Variants in AP2B1 observed in about 807,000 individuals in gnomAD.
AP2B1 encodes adaptor related protein complex 2 subunit beta 1.
AP2B1 carries 23 observed loss-of-function variants against 102.0 expected under a neutral mutation model. The observed-to-expected ratio is 0.23, with a 90% CI of 0.16 to 0.32. AP2B1 has a LOEUF of 0.32. Among genes scored for constraint, AP2B1 ranks in the 10% least tolerant of loss-of-function variants. The pLI is 1.00. For missense variants in AP2B1, 541 were observed against 1,157.4 expected (o/e 0.47, Z 7.73); for synonymous variants, 381 against 421.2 (o/e 0.90, Z 1.17).
intron 13 of AP2B1, chr17:35,651,069 A>G (rs1014538225): frequency 6.2e-6 from 2 of 320,400 alleles, no homozygotes; most frequent in Non-Finnish European, 1.2e-5. Flanking sequence ...TGTGGTGAAG[A>G]CCTTCTAAAT....
At position 35,608,183 on chromosome 17, in the gene AP2B1, C is replaced by T; in HGVS notation, c.321C>T (p.Val107=). 1 of 1,613,912 alleles carries T rather than the reference C, an allele frequency of 6.2e-7. No homozygotes were observed. Among genetic ancestry groups the T allele is most frequent in the African/African-American group, 1.3e-5 (1 of 75,034 alleles). ...DPNPLIRALA[V]RTMGCIRVDK... Reference sequence around the variant, plus strand: ...ATCCTTTGATTCGAGCCTTGGCAGTCAGAACCATGGGGTGCATCCGGGTAG... The same window carrying T: ...ATCCTTTGATTCGAGCCTTGGCAGTTAGAACCATGGGGTGCATCCGGGTAG... Residue 107 remains valine, a synonymous_variant, in exon 5 of 22, where the codon GTC becomes GTT. Coordinates refer to ENST00000610402, the MANE Select transcript of AP2B1 (RefSeq NM_001030006.2).
At chr17:35,705,280 T>C (rs148344906) in intron 18 of AP2B1, among the ~76,000 whole-genome samples, 183 of 152,268 alleles carry the variant, frequency 1.2e-3, no homozygotes, top group African/African-American at 4.1e-3. Context: ...CTTCCCCCAA[T>C]GAATGACCTG....
At chr17:35,618,555 G>C (rs1040192771) in intron 5 of AP2B1, among the ~76,000 whole-genome samples, 4 of 152,168 alleles carry the variant, frequency 2.6e-5, no homozygotes, top group African/African-American at 9.7e-5. Context: ...ACTGGAAAGT[G>C]GTAAGTTTCT....
rs587703244 is a variant in AP2B1 at position 35,710,162 on chromosome 17, A to G, written c.2540-72A>G. ...GAGCCAGCATGCCAAAGGAAAAATGATGCAAGGCATCGAAAATCAGAATAC... is the reference window on the plus strand; with the variant it reads ...GAGCCAGCATGCCAAAGGAAAAATGGTGCAAGGCATCGAAAATCAGAATAC... On this transcript the variant is annotated intron_variant, in intron 19 of 21. Transcript: ENST00000610402. 5.1e-5 allele frequency: 55 copies of G among 1,082,952 alleles called. No individual in the cohort carries two copies. The East Asian group carries it at 1.1e-3, about 21-fold the overall frequency. The allele number at this position is 1,082,952 out of a possible 1,614,324, so 67.1% of individuals were successfully genotyped here.
intron 20 of AP2B1, among the ~76,000 whole-genome samples, chr17:35,710,550 G>A (rs779101003): frequency 6.6e-6 from 1 of 152,040 alleles, no homozygotes. Context: ...AGCTAGAATC[G>A]ACCCATCTAC....
chr17:35,671,027 A>G (rs2075576576), intron 15 of AP2B1, 129 bp downstream of exon 15: 6 of 901,500 alleles, frequency 6.7e-6, no homozygotes, highest in African/African-American at 3.3e-5. Flanking sequence ...ATAACAGTAT[A>G]TGGGTAGTAG....
intron 17 of AP2B1, among the ~76,000 whole-genome samples, chr17:35,678,356 C>T: frequency 6.6e-6 from 1 of 151,954 alleles, no homozygotes. Flanking sequence ...TTATCTTTTC[C>T]TATTCAATCT....
chr17:35,660,251 G>T lies in AP2B1; in HGVS notation c.1989+2460G>T, dbSNP rs550824908. The T allele has an allele frequency of 2.6e-5, 5 of 194,296 alleles. No individual in the cohort carries two copies. In the South Asian group the frequency reaches 5.2e-4, roughly 20 times the overall value. 12.0% of individuals were successfully genotyped at this position (194,296 alleles called of 1,614,324 possible). On this transcript the variant is annotated intron_variant, in intron 14 of 21. Transcript: ENST00000610402. Reference sequence around the variant, plus strand: ...CTGCCTTGGCCTCTGGAAGTGCTGGGATTACAGGTGTGTGAGCCAGCACAC... The same window carrying T: ...CTGCCTTGGCCTCTGGAAGTGCTGGTATTACAGGTGTGTGAGCCAGCACAC...
chr17:35,593,431 A>T (rs1405685446), intron 1 of AP2B1, among the ~76,000 whole-genome samples: 1 of 107,110 alleles, frequency 9.3e-6, no homozygotes, highest in Non-Finnish European at 1.9e-5. Context: ...CCTACTAAAT[A>T]CCCACAAAAC....
intron 20 of AP2B1, chr17:35,713,893 C>T (rs1431357501): frequency 6.6e-6 from 1 of 152,146 alleles, no homozygotes; most frequent in Non-Finnish European, 1.5e-5. Context: ...TTTCTAGCAC[C>T]GATCATTTCT....
intron 17 of AP2B1, among the ~76,000 whole-genome samples, chr17:35,677,248 C>T (rs1461577322): frequency 6.6e-6 from 1 of 152,154 alleles, no homozygotes; most frequent in African/African-American, 2.4e-5. Flanking sequence ...CCTTGGCCTA[C>T]CAAGGTATGG....
At chr17:35,664,811 A>G (rs1003298741) in intron 14 of AP2B1, among the ~76,000 whole-genome samples, 1 of 152,200 alleles carries the variant, frequency 6.6e-6, no homozygotes, top group African/African-American at 2.4e-5. Context: ...GAGACAGAAT[A>G]AAGAGGTTCT....
intron 1 of AP2B1, among the ~76,000 whole-genome samples, chr17:35,590,416 G>A (rs929209898): frequency 7.2e-5 from 11 of 152,074 alleles, no homozygotes; most frequent in African/African-American, 2.7e-4. Flanking sequence ...CCAGGTTAAG[G>A]CATACAGTTC....
At chr17:35,640,430 G>A (rs527807105) in intron 11 of AP2B1, among the ~76,000 whole-genome samples, 3 of 151,308 alleles carry the variant, frequency 2.0e-5, no homozygotes, top group African/African-American at 2.4e-5. Flanking sequence ...TAGAGACAGG[G>A]TTTCACCATG....
chr17:35,604,398 T>C (rs2142374762), intron 3 of AP2B1, among the ~76,000 whole-genome samples: 1 of 152,158 alleles, frequency 6.6e-6, no homozygotes, highest in African/African-American at 2.4e-5. Context: ...CGTGAGCCAC[T>C]GGGCCTGGCT....
intron 9 of AP2B1, among the ~76,000 whole-genome samples, chr17:35,633,268 G>T (rs568604400): frequency 1.3e-5 from 2 of 151,484 alleles, no homozygotes; most frequent in East Asian, 3.9e-4. Context: ...GCTGAGGCAG[G>T]AGAATCACTT....
intron 20 of AP2B1, among the ~76,000 whole-genome samples, chr17:35,715,058 C>A (rs1349434762): frequency 6.6e-6 from 1 of 152,194 alleles, no homozygotes; most frequent in Non-Finnish European, 1.5e-5. Context: ...CATCATTCTG[C>A]AATCCGTAAA....
chr17:35,654,596 GA>G (rs750222037), intron 13 of AP2B1, among the ~76,000 whole-genome samples: 1 of 152,074 alleles, frequency 6.6e-6, no homozygotes, highest in Non-Finnish European at 1.5e-5. Context: ...ATCTTTAACA[GA>G]TAAAGACTTG....
intron 18 of AP2B1, among the ~76,000 whole-genome samples, chr17:35,687,920 A>T (rs998025541): frequency 1.4e-4 from 21 of 152,202 alleles, no homozygotes; most frequent in South Asian, 6.2e-4. Flanking sequence ...ATTTTTCCTC[A>T]ATAAAACTTT....
Sources: gnomAD v4.1 joint callset for allele counts (sites outside exome capture counted in the v4.1 genomes callset) on GRCh38, gnomAD v4.1.1 for gene constraint, MANE v1.5 for transcripts, NCBI Gene and HGNC (gene_info 2026-07-23, HGNC 2026-07-21) for gene names.